Variants in DLC1 observed in about 807,000 individuals in gnomAD.
The protein encoded by DLC1 is DLC1 Rho GTPase activating protein, also known as rho GTPase-activating protein 7.
In DLC1, 54 loss-of-function variants were observed where a neutral mutation model predicts 140.3. The ratio of observed to expected loss-of-function variants is 0.38; its 90% confidence interval spans 0.31 to 0.48. DLC1 has a LOEUF of 0.48. DLC1 is among the 20% of genes least tolerant of loss of function. DLC1 has a pLI of 0.96. For synonymous variants in DLC1, 986 were observed against 728.1 expected, an observed-to-expected ratio of 1.35 and a Z score of -5.70; for missense variants, 2,536 against 1,907.0, an observed-to-expected ratio of 1.33 and a Z score of -6.14.
At chr8:13,486,175 A>G (rs1159379867) in intron 2 of DLC1, among the ~76,000 whole-genome samples, 1 of 152,220 alleles carries the variant, frequency 6.6e-6, no homozygotes, top group Non-Finnish European at 1.5e-5. Context: ...ACCGAATGAA[A>G]TGAAAATTCA....
intron 2 of DLC1, among the ~76,000 whole-genome samples, chr8:13,453,529 TATATATATACATATATATATA>T (rs1799246305): frequency 3.7e-5 from 2 of 53,752 alleles, no homozygotes; most frequent in African/African-American, 2.0e-4. Flanking sequence ...TATATATATG[TATATATATACATATATATATA>T]TATATATTTT....
Position 13,221,318 on chromosome 8 carries a change from C to G in DLC1, c.1348+83951G>C, listed in dbSNP as rs1489694067. Among the ~76,000 whole-genome samples the G allele has an allele frequency of 2.6e-5, 4 of 151,954 alleles. No individual in the cohort carries two copies. The East Asian group carries it at 5.8e-4, about 22-fold the overall frequency. On this transcript the variant is annotated intron_variant, in intron 5 of 17. Transcript: ENST00000276297. ...CTGGCTGACAACCAGGATCCCTGCT[C>G]ACGGGCCTATTTTACTCAACAGGAA...
At chr8:13,188,101 G>C (rs1350717722) in intron 5 of DLC1, among the ~76,000 whole-genome samples, 1 of 57,756 alleles carries the variant, frequency 1.7e-5, no homozygotes, top group African/African-American at 6.6e-5. Flanking sequence ...TTTTTTTTTT[G>C]AGACAGAGTC....
chr8:13,157,595 G>A, intron 5 of DLC1, among the ~76,000 whole-genome samples: 1 of 147,276 alleles, frequency 6.8e-6, no homozygotes, highest in South Asian at 2.1e-4. Context: ...ACTGAAGAAG[G>A]GTCAAGCAGC....
At chr8:13,597,928 G>T (rs965002570) in intron 1 of DLC1, among the ~76,000 whole-genome samples, 1 of 151,978 alleles carries the variant, frequency 6.6e-6, no homozygotes, top group Non-Finnish European at 1.5e-5. Context: ...TTTAGTCACC[G>T]CTTTATGGGA....
chr8:13,601,314 T>A (rs1805874886), intron 1 of DLC1, among the ~76,000 whole-genome samples: 1 of 151,814 alleles, frequency 6.6e-6, no homozygotes, highest in South Asian at 2.1e-4. Flanking sequence ...AAACAGATGC[T>A]ATCTTATACT....
At chr8:13,518,153 G>A (rs1412535137), upstream of DLC1, among the ~76,000 whole-genome samples, 1 of 151,992 alleles carries the variant, frequency 6.6e-6, no homozygotes, top group African/African-American at 2.4e-5. Context: ...TGTTGCCCAG[G>A]CTGGAGTGCA....
intron 4 of DLC1, among the ~76,000 whole-genome samples, chr8:13,390,963 C>T (rs6994829): frequency 0.23 from 30,955 of 137,122 alleles, 3,815 homozygotes; most frequent in Admixed American, 0.29. Context: ...CCAGCCTGGG[C>T]GACAGAGCGA....
intron 2 of DLC1, among the ~76,000 whole-genome samples, chr8:13,462,315 C>A (rs1296036222): frequency 6.6e-6 from 1 of 152,094 alleles, no homozygotes; most frequent in Non-Finnish European, 1.5e-5. Context: ...CTGAAAACCC[C>A]TAAATCCACC....
At chr8:13,132,831 G>T in intron 5 of DLC1, 2 of 1,319,218 alleles carry the variant, frequency 1.5e-6, no homozygotes, top group South Asian at 1.3e-5. Flanking sequence ...AGCGTTTAAA[G>T]AGCACAGAAC....
chr8:13,127,838 C>CA (rs1821715122), intron 5 of DLC1, among the ~76,000 whole-genome samples: 2 of 152,198 alleles, frequency 1.3e-5, no homozygotes, highest in South Asian at 4.1e-4. Context: ...ACAGGACACT[C>CA]AAAGGTGGGG....
chr8:13,141,256 CAAAAAAAAA>C (rs34321250), intron 5 of DLC1, among the ~76,000 whole-genome samples: 1,206 of 63,702 alleles, frequency 0.019, 10 homozygotes, highest in Middle Eastern at 0.051. Context: ...GAGTCTGTCT[CAAAAAAAAA>C]AAAAAAAAAA....
intron 5 of DLC1, among the ~76,000 whole-genome samples, chr8:13,147,171 G>T (rs983108526): frequency 2.6e-5 from 4 of 152,146 alleles, no homozygotes; most frequent in Non-Finnish European, 4.4e-5. Flanking sequence ...GTATCATTTA[G>T]ATTCTTCCTT....
At chr8:13,221,799 T>C (rs1828569307) in intron 5 of DLC1, among the ~76,000 whole-genome samples, 1 of 143,924 alleles carries the variant, frequency 6.9e-6, no homozygotes, top group African/African-American at 2.5e-5. Context: ...ATCAATATAT[T>C]AATATAAAAT....
chr8:13,259,543 T>G (rs1323674488), intron 5 of DLC1, among the ~76,000 whole-genome samples: 1 of 152,196 alleles, frequency 6.6e-6, no homozygotes, highest in Non-Finnish European at 1.5e-5. Context: ...ACATTTTTTT[T>G]TACAATAAAG....
At chr8:13,399,581 G>A (rs289578) in intron 3 of DLC1, among the ~76,000 whole-genome samples, 130,778 of 152,106 alleles carry the variant, frequency 0.86, 56,306 homozygotes, top group East Asian at 0.98. Context: ...CTATCTCAGC[G>A]AGCCCTAAGA....
At chr8:13,114,563 A>G (rs559477527) in intron 6 of DLC1, among the ~76,000 whole-genome samples, 18 of 152,298 alleles carry the variant, frequency 1.2e-4, no homozygotes, top group African/African-American at 4.3e-4. Context: ...GAAAAACTGA[A>G]TGCCACAGAA....
At chr8:13,503,080 G>A (rs1180683313) in intron 1 of DLC1, among the ~76,000 whole-genome samples, 1 of 152,168 alleles carries the variant, frequency 6.6e-6, no homozygotes, top group Non-Finnish European at 1.5e-5. Context: ...CTTAACGTAA[G>A]AGTTTTATAG....
At chr8:13,446,449 C>T (rs1798779729) in intron 2 of DLC1, among the ~76,000 whole-genome samples, 1 of 152,100 alleles carries the variant, frequency 6.6e-6, no homozygotes, top group Non-Finnish European at 1.5e-5. Context: ...TTATTGCAGA[C>T]ATGGGCCTGG....
Sources: gnomAD v4.1 joint callset for allele counts (sites outside exome capture counted in the v4.1 genomes callset) on GRCh38, gnomAD v4.1.1 for gene constraint, MANE v1.5 for transcripts, NCBI Gene and HGNC (gene_info 2026-07-23, HGNC 2026-07-21) for gene names.